The following CLIC5 variants were observed in gnomAD, a reference collection of about 807,000 sequenced individuals.
CLIC5 encodes CLIC family member 5, also known as chloride intracellular channel protein 5.
A neutral mutation model predicts 24.7 loss-of-function variants in CLIC5; 20 were observed. The observed-to-expected ratio is 0.81, with a 90% confidence interval of 0.57 to 1.18. The LOEUF (loss-of-function observed/expected upper bound fraction) is 1.18. CLIC5 is among the 50% of genes most tolerant of loss of function. The pLI is 0.00. For missense variants in CLIC5, 341 were observed against 326.1 expected (o/e 1.05, Z -0.35); for synonymous variants, 159 against 135.6 (o/e 1.17, Z -1.20).
intron 4 of CLIC5, among the ~76,000 whole-genome samples, chr6:45,923,841 CA>C (rs1280158400): frequency 6.6e-6 from 1 of 152,160 alleles, no homozygotes; most frequent in East Asian, 1.9e-4. Flanking sequence ...GAGCACAGAT[CA>C]TGGGACCAGC....
chr6:45,899,701 G>C lies in CLIC5; in HGVS notation c.*3387C>G, dbSNP rs927141166. ...TGGCCATGGGGCACAGAACTGTGAA[G>C]AGCTTCTGTTGTTTCATTTGATAAG... On this transcript the variant is annotated 3_prime_UTR_variant, in exon 6 of 6. Transcript: ENST00000339561. 1 of 152,218 alleles carries C rather than the reference G, an allele frequency of 6.6e-6. No individual in the cohort carries two copies. Among genetic ancestry groups the C allele is most frequent in the Non-Finnish European group, 1.5e-5 (1 of 68,060 alleles). 9.4% of individuals were successfully genotyped at this position (152,218 alleles called of 1,614,324 possible). A position where few individuals can be genotyped will look rare whatever the true frequency, so the allele number is the denominator to read the frequency against.
chr6:45,905,150 A>C (rs1005734912), intron 5 of CLIC5, among the ~76,000 whole-genome samples: 4 of 152,162 alleles, frequency 2.6e-5, no homozygotes, highest in African/African-American at 9.7e-5. Flanking sequence ...GGTTGATTTC[A>C]TGTCTTTGCT....
intron 1 of CLIC5, among the ~76,000 whole-genome samples, chr6:46,022,494 T>C (rs1356412301): frequency 6.6e-6 from 1 of 152,158 alleles, no homozygotes; most frequent in Non-Finnish European, 1.5e-5. Flanking sequence ...GAGGACCAAC[T>C]GGGTGTAGAC....
At chr6:45,993,816 T>C (rs569914559) in intron 1 of CLIC5, among the ~76,000 whole-genome samples, 9 of 152,348 alleles carry the variant, frequency 5.9e-5, no homozygotes, top group Admixed American at 2.0e-4. Flanking sequence ...CCCAGTACTA[T>C]GTGTTGGGCC....
intron 1 of CLIC5, among the ~76,000 whole-genome samples, chr6:46,029,870 C>T (rs985412611): frequency 1.3e-5 from 2 of 152,272 alleles, no homozygotes; most frequent in Middle Eastern, 3.4e-3. Flanking sequence ...ATGAGCTTCC[C>T]CTGCTCCTGT....
At chr6:45,954,052 G>A (rs1174109409) in intron 2 of CLIC5, among the ~76,000 whole-genome samples, 1 of 152,102 alleles carries the variant, frequency 6.6e-6, no homozygotes, top group Admixed American at 6.6e-5. Flanking sequence ...GAGGTGGGTG[G>A]ATCACAAGGT....
intron 3 of CLIC5, among the ~76,000 whole-genome samples, chr6:45,945,602 G>A (rs1764264870): frequency 6.6e-6 from 1 of 152,126 alleles, no homozygotes; most frequent in African/African-American, 2.4e-5. Context: ...ATAAACCTGT[G>A]TTCTGTTAAG....
At chr6:45,920,653 A>C (rs1763221232) in intron 4 of CLIC5, 25 of 973,072 alleles carry the variant, frequency 2.6e-5, no homozygotes, top group Non-Finnish European at 2.8e-5. Context: ...CCACTTACTC[A>C]TCTGTTGGAA....
At chr6:45,985,789 G>A (rs58355192) in intron 1 of CLIC5, among the ~76,000 whole-genome samples, 17,247 of 152,000 alleles carry the variant, frequency 0.11, 1,539 homozygotes, top group East Asian at 0.48. Context: ...TCTAAGTAAA[G>A]GGTCCTTGTA....
the CLIC5 span, among the ~76,000 whole-genome samples, chr6:46,099,033 A>C: frequency 6.6e-6 from 1 of 152,202 alleles, no homozygotes; most frequent in Non-Finnish European, 1.5e-5. Flanking sequence ...AGATGGTTAG[A>C]AACTTCACCA....
downstream of CLIC5, among the ~76,000 whole-genome samples, chr6:45,893,487 T>C (rs72870083): frequency 0.021 from 3,127 of 152,264 alleles, 43 homozygotes; most frequent in Admixed American, 0.035. Context: ...TCTAGAAATA[T>C]AGACTCTGAT....
chr6:46,086,156 C>A, the CLIC5 span, among the ~76,000 whole-genome samples: 1 of 145,784 alleles, frequency 6.9e-6, no homozygotes, highest in Admixed American at 6.7e-5. Context: ...TTACCCCTTT[C>A]TTTGACTAGG....
chr6:46,050,313 T>C (rs1768068711), intron 1 of CLIC5, among the ~76,000 whole-genome samples: 1 of 152,216 alleles, frequency 6.6e-6, no homozygotes, highest in African/African-American at 2.4e-5. Flanking sequence ...ACTCTGGTTC[T>C]GCTTATTTGG....
At chr6:45,983,187 G>A (rs1765622275) in intron 1 of CLIC5, among the ~76,000 whole-genome samples, 1 of 152,188 alleles carries the variant, frequency 6.6e-6, no homozygotes, top group Non-Finnish European at 1.5e-5. Context: ...TTCACTGCCT[G>A]ACCTCACCTG....
intron 1 of CLIC5, among the ~76,000 whole-genome samples, chr6:45,984,327 C>T (rs988341608): frequency 6.6e-5 from 10 of 152,168 alleles, no homozygotes; most frequent in Admixed American, 3.9e-4. Flanking sequence ...TCCGCAATGC[C>T]AGTACTGTCA....
chr6:46,055,517 C>T (rs984339159), intron 1 of CLIC5, among the ~76,000 whole-genome samples: 12 of 152,218 alleles, frequency 7.9e-5, no homozygotes, highest in Admixed American at 3.9e-4. Context: ...GGATTACAGG[C>T]GTGAGCCACC....
intron 4 of CLIC5, among the ~76,000 whole-genome samples, chr6:45,929,336 C>A (rs1763635436): frequency 6.6e-6 from 1 of 152,216 alleles, no homozygotes; most frequent in Non-Finnish European, 1.5e-5. Flanking sequence ...ACTCCTCTCC[C>A]TCCTGCCCTC....
intron 1 of CLIC5, among the ~76,000 whole-genome samples, chr6:46,007,915 CTTTTTT>C (rs11411756): frequency 2.2e-5 from 3 of 139,286 alleles, no homozygotes; most frequent in African/African-American, 5.3e-5. Context: ...TTTTCTTTTT[CTTTTTT>C]TTTTTTTCCC....
At chr6:46,025,748 C>T (rs1334506296) in intron 1 of CLIC5, among the ~76,000 whole-genome samples, 1 of 152,126 alleles carries the variant, frequency 6.6e-6, no homozygotes, top group Non-Finnish European at 1.5e-5. Flanking sequence ...TTGTAATCAC[C>T]ACGTGTCAGG....
Sources: gnomAD v4.1 joint callset for allele counts (sites outside exome capture counted in the v4.1 genomes callset) on GRCh38, gnomAD v4.1.1 for gene constraint, MANE v1.5 for transcripts, NCBI Gene and HGNC (gene_info 2026-07-23, HGNC 2026-07-21) for gene names.